The following DGLUCY variants were observed in gnomAD, a reference collection of about 807,000 sequenced individuals.
DGLUCY encodes D-glutamate cyclase, mitochondrial.
In DGLUCY, 58 loss-of-function variants were observed where a neutral mutation model predicts 58.5. The ratio of observed to expected loss-of-function variants is 0.99; its 90% CI spans 0.80 to 1.23. The LOEUF (loss-of-function observed/expected upper bound fraction) is 1.23. DGLUCY is among the 50% of genes most tolerant of loss of function. The pLI, the probability that DGLUCY is intolerant of heterozygous loss-of-function variation, is 0.00. For synonymous variants in DGLUCY, 325 were observed against 314.1 expected (o/e 1.03, Z -0.37); for missense variants, 779 against 784.7 (o/e 0.99, Z 0.09).
At chr14:91,221,127 A>G (rs1567019504) in intron 13 of DGLUCY, among the ~76,000 whole-genome samples, 1 of 152,204 alleles carries the variant, frequency 6.6e-6, no homozygotes, top group Non-Finnish European at 1.5e-5. Flanking sequence ...TCTCTGCTCC[A>G]GGGCAGGTAC....
intron 1 of DGLUCY, among the ~76,000 whole-genome samples, chr14:91,067,080 C>CAAAAAAAA (rs778098019): frequency 5.6e-5 from 4 of 71,028 alleles, no homozygotes; most frequent in African/African-American, 1.5e-4. Context: ...GACTCCATCT[C>CAAAAAAAA]AAAAAAAAAA....
chr14:91,219,065 A>G (rs1887035621), intron 13 of DGLUCY, among the ~76,000 whole-genome samples: 1 of 152,032 alleles, frequency 6.6e-6, no homozygotes, highest in African/African-American at 2.4e-5. Flanking sequence ...CTGTAGTCCC[A>G]GCTGTTCGAG....
intron 8 of DGLUCY, among the ~76,000 whole-genome samples, chr14:91,183,412 A>C (rs200853395): frequency 2.6e-5 from 4 of 152,222 alleles, no homozygotes; most frequent in East Asian, 3.8e-4. Context: ...CAGGGACTGC[A>C]GTTTCACCTG....
At position 91,215,477 on chromosome 14, in the gene DGLUCY, A is replaced by T. The variant is rs755976014; in HGVS notation, c.1637A>T (p.Gln546Leu). 3.1e-6 allele frequency: 5 copies of T among 1,614,262 alleles called. No homozygotes were observed. Among genetic ancestry groups the T allele is most frequent in the Non-Finnish European group, 4.2e-6 (5 of 1,180,044 alleles). Reference protein sequence around the residue: ...YILYSCAVHSQYLRKAVGPSR... With the variant: ...YILYSCAVHSLYLRKAVGPSR... The stretch of plus-strand genomic sequence containing the variant: ...CTGTACTCATGTGCTGTCCACAGTC[A>T]GTACCTGAGGAAAGCAGTCGGACCC... The change falls in exon 13 of 14, where the codon CAG (glutamine) becomes CTG (leucine). Residue 546 changes from glutamine to leucine, a missense_variant. Gln to Leu is a moderately radical substitution (Grantham distance 113). Transcript: ENST00000256324.
intron 1 of DGLUCY, chr14:91,060,913 T>C (rs1033260212): frequency 2.0e-5 from 3 of 153,136 alleles, no homozygotes; most frequent in South Asian, 3.9e-4. Context: ...GCCCATTTCC[T>C]CTGGTGCGCA....
chr14:91,079,378 C>T (rs1463121656), intron 1 of DGLUCY, among the ~76,000 whole-genome samples: 4 of 146,670 alleles, frequency 2.7e-5, no homozygotes, highest in Non-Finnish European at 6.0e-5. Context: ...TTTTTTAAGG[C>T]AGAGTCTTGC....
intron 1 of DGLUCY, among the ~76,000 whole-genome samples, chr14:91,069,306 TGCTCTGTCACCCAG>T (rs1185050997): frequency 6.6e-6 from 1 of 152,136 alleles, no homozygotes; most frequent in Non-Finnish European, 1.5e-5. Context: ...GACGGAGTCT[TGCTCTGTCACCCAG>T]GCTGGAGTGC....
upstream of DGLUCY, among the ~76,000 whole-genome samples, chr14:91,109,101 G>A (rs2044651062): frequency 6.6e-6 from 1 of 152,156 alleles, no homozygotes; most frequent in South Asian, 2.1e-4. Context: ...CAATGAATGC[G>A]GGCCTCGTGC....
intron 8 of DGLUCY, 56 bp from the exon 9 acceptor site, chr14:91,188,854 C>T (rs796137876): frequency 6.6e-7 from 1 of 1,516,452 alleles, no homozygotes; most frequent in Middle Eastern, 2.1e-4. Flanking sequence ...TACATACATA[C>T]ATACAAATAA....
chr14:91,207,887 C>T (rs1440731572), intron 12 of DGLUCY, among the ~76,000 whole-genome samples: 3 of 152,144 alleles, frequency 2.0e-5, no homozygotes, highest in Admixed American at 2.0e-4. Context: ...GCTGGGATTA[C>T]AGGCATGCGC....
chr14:91,181,092 C>G, intron 7 of DGLUCY, 94 bp from the exon 8 acceptor site: 10 of 1,194,866 alleles, frequency 8.4e-6, no homozygotes, highest in Admixed American at 2.0e-5. Context: ...AGTTGATGGC[C>G]AGGTGCCATC....
intron 1 of DGLUCY, among the ~76,000 whole-genome samples, chr14:91,155,465 C>T (rs906272994): frequency 2.0e-5 from 3 of 152,148 alleles, no homozygotes; most frequent in African/African-American, 7.2e-5. Context: ...CTTGGAATCT[C>T]CAAAGAGATA....
At chr14:91,106,208 T>C (rs1328516800), upstream of DGLUCY, among the ~76,000 whole-genome samples, 1 of 151,460 alleles carries the variant, frequency 6.6e-6, no homozygotes, top group Non-Finnish European at 1.5e-5. Context: ...CTGGGGAGGC[T>C]GAGGCAGGAG....
At chr14:91,156,277 C>A (rs148764114) in intron 1 of DGLUCY, among the ~76,000 whole-genome samples, 4,292 of 152,184 alleles carry the variant, frequency 0.028, 78 homozygotes, top group South Asian at 0.037. Flanking sequence ...CCACACCTGG[C>A]TAATTTTTGT....
At chr14:91,167,468 G>T (rs1037466019) in intron 4 of DGLUCY, 90 bp downstream of exon 4, 2 of 1,539,788 alleles carry the variant, frequency 1.3e-6, no homozygotes, top group Non-Finnish European at 1.8e-6. Flanking sequence ...TCTCTGTCCA[G>T]CCTCAGGGAC....
intron 3 of DGLUCY, among the ~76,000 whole-genome samples, chr14:91,160,716 C>T (rs2047935516): frequency 6.6e-6 from 1 of 152,026 alleles, no homozygotes; most frequent in Non-Finnish European, 1.5e-5. Flanking sequence ...GGAAAAGTGC[C>T]CCCAGGTTAC....
intron 1 of DGLUCY, among the ~76,000 whole-genome samples, chr14:91,102,735 C>CAG (rs1253727733): frequency 9.2e-5 from 5 of 54,086 alleles, no homozygotes; most frequent in African/African-American, 3.0e-4. Context: ...GGACCCCTTC[C>CAG]AGTGTGTATG....
At chr14:91,108,533 G>GAGAGAGAA (rs2044638248) in intron 1 of DGLUCY, among the ~76,000 whole-genome samples, 1 of 134,326 alleles carries the variant, frequency 7.4e-6, no homozygotes, top group South Asian at 2.2e-4. Flanking sequence ...GTGTGAGAGA[G>GAGAGAGAA]AGAGAGAGAG....
intron 1 of DGLUCY, among the ~76,000 whole-genome samples, chr14:91,093,827 C>T (rs1041820216): frequency 2.0e-5 from 3 of 149,402 alleles, no homozygotes; most frequent in Non-Finnish European, 3.0e-5. Flanking sequence ...AACAGAAGAC[C>T]ATTATGCCAA....
Sources: gnomAD v4.1 joint callset for allele counts (sites outside exome capture counted in the v4.1 genomes callset) on GRCh38, gnomAD v4.1.1 for gene constraint, MANE v1.5 for transcripts, NCBI Gene and HGNC (gene_info 2026-07-23, HGNC 2026-07-21) for gene names.